The following TIAM2 variants were observed in gnomAD, a reference collection of about 807,000 sequenced individuals.
The protein encoded by TIAM2 is TIAM Rac1 associated GEF 2, also known as rho guanine nucleotide exchange factor TIAM2.
Under a neutral mutation model 152.9 loss-of-function variants are expected in TIAM2, and 80 were observed. The observed-to-expected ratio is 0.52, with a 90% CI of 0.44 to 0.63. TIAM2 has a LOEUF of 0.63. Among genes scored for constraint, TIAM2 ranks in the 30% least tolerant of loss-of-function variants. The probability of loss-of-function intolerance (pLI) is 0.00; values close to 1 mark genes in which losing one functional copy is unlikely to be tolerated. For missense variants in TIAM2, 1,965 were observed against 2,120.1 expected, an observed-to-expected ratio of 0.93 and a Z score of 1.44; for synonymous variants, 804 against 838.0, an observed-to-expected ratio of 0.96 and a Z score of 0.70.
chr6:155,014,791 GA>G (rs1373032028), intron 1 of TIAM2, among the ~76,000 whole-genome samples: 1 of 152,222 alleles, frequency 6.6e-6, no homozygotes, highest in Non-Finnish European at 1.5e-5. Context: ...CAGAGCAGCA[GA>G]GGGAATTGCA....
At position 155,214,379 on chromosome 6, in the gene TIAM2, A is replaced by G. The variant is rs548622914; in HGVS notation, c.3168+3072A>G. Among the ~76,000 whole-genome samples, 2 of 152,292 alleles carry G rather than the reference A, an allele frequency of 1.3e-5. No homozygotes were observed. The highest frequency in any genetic ancestry group is 2.9e-5 in the Non-Finnish European group (2 of 68,026). On this transcript the variant is annotated intron_variant, in intron 15 of 26. Transcript: ENST00000682666. This position sits in a 1 kb window ranked among gnomAD's most constrained non-coding sequence, Gnocchi z 5.4. ...TGGTGACATCCCCTGTGTGTGAGGG[A>G]CCAGGTTAGAGCCTGCCAGCTTCAG...
At chr6:155,047,894 G>A (rs1777237228) in intron 1 of TIAM2, among the ~76,000 whole-genome samples, 1 of 152,180 alleles carries the variant, frequency 6.6e-6, no homozygotes, top group African/African-American at 2.4e-5. Context: ...TGACCGCTGG[G>A]TCCTGTAGGG....
At chr6:155,070,695 G>A (rs913635749) in intron 1 of TIAM2, among the ~76,000 whole-genome samples, 1 of 152,076 alleles carries the variant, frequency 6.6e-6, no homozygotes, top group Non-Finnish European at 1.5e-5. Context: ...AGTAACTCAG[G>A]GCAAAAGGCC....
intron 10 of TIAM2, 94 bp from the exon 11 acceptor site, chr6:155,178,945 A>T (rs1031416838): frequency 6.0e-6 from 6 of 999,766 alleles, no homozygotes; most frequent in Non-Finnish European, 6.0e-6. Context: ...GTATTCTTTT[A>T]GAGATTTCTA....
intron 14 of TIAM2, among the ~76,000 whole-genome samples, chr6:155,201,104 T>A (rs1781463926): frequency 6.6e-6 from 1 of 152,190 alleles, no homozygotes; most frequent in Non-Finnish European, 1.5e-5. Context: ...CTTAGCATAA[T>A]GTTTTCAAGG....
chr6:155,172,609 A>C (rs1780611412), intron 9 of TIAM2, among the ~76,000 whole-genome samples: 1 of 130,680 alleles, frequency 7.7e-6, no homozygotes, highest in Non-Finnish European at 1.6e-5. Flanking sequence ...TTGCATTCTC[A>C]GGACCAGGAA....
At chr6:155,022,450 C>G (rs1242067676) in intron 1 of TIAM2, 1 of 152,238 alleles carries the variant, frequency 6.6e-6, no homozygotes, top group Non-Finnish European at 1.5e-5. Flanking sequence ...CAGGTGTGCA[C>G]CACCATGCCC....
chr6:155,025,735 G>C (rs1776587403), intron 1 of TIAM2, among the ~76,000 whole-genome samples: 1 of 151,346 alleles, frequency 6.6e-6, no homozygotes, highest in African/African-American at 2.4e-5. Flanking sequence ...GGTTTGGGTA[G>C]TACCCGCCAA....
Position 155,251,071 on chromosome 6 carries a change from G to C in TIAM2, c.4060+50G>C, listed in dbSNP as rs760173819. On this transcript the variant is annotated intron_variant, in intron 22 of 26. Transcript: ENST00000682666. ...CAGACTGAACAGAGGCTGGGATTAC[G>C]GAAGAACTTCACTAGCCGCACCAGT... is the stretch of plus-strand genomic sequence containing the variant. 2.0e-6 allele frequency: 3 copies of C among 1,534,736 alleles called. No homozygotes were observed. In the South Asian group the frequency reaches 3.4e-5, roughly 17 times the overall value.
In TIAM2 at chr6:155,211,273, T is replaced by C; in HGVS notation, c.3134T>C (p.Val1045Ala). 3 of 1,613,478 alleles carry C rather than the reference T, an allele frequency of 1.9e-6. No homozygotes were observed. The highest frequency in any genetic ancestry group is 2.5e-6 in the Non-Finnish European group (3 of 1,179,552). The change falls in exon 15 of 27, where the codon GTT (valine) becomes GCT (alanine). Residue 1045 changes from valine (V) to alanine (A), a missense_variant. Val to Ala is a moderately conservative substitution (Grantham distance 64). Around this residue, in one of 3 missense-constraint regions of TIAM2, gnomAD observed 935 missense variants for 980.0 expected, o/e 0.95. Transcript: ENST00000682666. ...RSQTDGTLDQ[V>A]SHREKMEQTF... The stretch of plus-strand genomic sequence containing the variant: ...CAGACAGATGGCACTCTGGATCAGG[T>C]TTCCCACAGGGAGAAAATGGAGCAG...
chr6:155,134,397 A>ACC (rs35487009), intron 4 of TIAM2, among the ~76,000 whole-genome samples: 9 of 110,648 alleles, frequency 8.1e-5, no homozygotes, highest in African/African-American at 3.2e-4. Flanking sequence ...GCATCCCCCC[A>ACC]CCCCCCCCCA....
chr6:155,177,826 T>C (rs1281505265), intron 10 of TIAM2, among the ~76,000 whole-genome samples: 1 of 152,218 alleles, frequency 6.6e-6, no homozygotes, highest in Non-Finnish European at 1.5e-5. Flanking sequence ...CAATGTTCTA[T>C]ACCAATGATA....
rs1461370122 is a variant in TIAM2, at chr6:155,129,898, C to A, written c.675C>A (p.Ser225Arg). Residue 225 changes from serine to arginine, a missense_variant, in exon 4 of 27, where the codon AGC becomes AGA. This residue lies in a region of TIAM2 where 1,025 missense variants were observed against 1,119.4 expected (regional missense o/e 0.92). Transcript: ENST00000682666. The surrounding 1 kb of genome is among the most constrained non-coding windows in gnomAD (Gnocchi z 4.8). ...GGTCCAGCGCCGATTCCCTGCCCAG[C>A]CATCGCCCCTCTCCCACGGACTCTC... is the stretch of plus-strand genomic sequence containing the variant. Reference protein sequence around the residue: ...RRGSSADSLPSHRPSPTDSRL... With the variant: ...RRGSSADSLPRHRPSPTDSRL... The A allele has an allele frequency of 6.2e-7, 1 of 1,613,746 alleles. No homozygotes were observed. The highest frequency in any genetic ancestry group is 8.5e-7 in the Non-Finnish European group (1 of 1,180,034).
At chr6:155,250,831 C>T (rs1783610519) in intron 21 of TIAM2, 82 bp from the exon 22 acceptor site, 3 of 1,382,232 alleles carry the variant, frequency 2.2e-6, no homozygotes, top group South Asian at 2.3e-5. Context: ...TTAGCAATGA[C>T]TGTGTGTACA....
chr6:155,035,736 C>T (rs955931079), intron 1 of TIAM2, among the ~76,000 whole-genome samples: 6 of 152,182 alleles, frequency 3.9e-5, no homozygotes, highest in Non-Finnish European at 5.9e-5. Context: ...ACTTTTCAGA[C>T]TTGTATGTTA....
chr6:155,226,649 G>C (rs1267192219), intron 15 of TIAM2, among the ~76,000 whole-genome samples: 1 of 144,812 alleles, frequency 6.9e-6, no homozygotes, highest in African/African-American at 2.5e-5. Context: ...TGAGCAACAA[G>C]AGTGAAACTG....
chr6:155,221,786 T>A (rs1032260690), intron 15 of TIAM2, among the ~76,000 whole-genome samples: 3 of 152,214 alleles, frequency 2.0e-5, no homozygotes, highest in Middle Eastern at 3.4e-3. Flanking sequence ...TATTTCCAGA[T>A]CTTTATTTCC....
chr6:155,097,986 G>A (rs1375354493), intron 2 of TIAM2, among the ~76,000 whole-genome samples: 2 of 151,964 alleles, frequency 1.3e-5, no homozygotes, highest in Non-Finnish European at 2.9e-5. Flanking sequence ...ATTTTTATCT[G>A]GATTCTCTGT....
chr6:155,157,526 C>G (rs1278535895), intron 7 of TIAM2, among the ~76,000 whole-genome samples: 2 of 151,610 alleles, frequency 1.3e-5, no homozygotes, highest in Non-Finnish European at 2.9e-5. Context: ...AGGTTGGTCT[C>G]GAACTCCTGG....
Sources: allele counts gnomAD v4.1 joint callset (sites outside exome capture counted in the v4.1 genomes callset), GRCh38; gene constraint gnomAD v4.1.1; regional missense constraint gnomAD v4.1.1; non-coding constraint Gnocchi (gnomAD v3.1); transcripts MANE v1.5; gene names NCBI Gene and HGNC (gene_info 2026-07-23, HGNC 2026-07-21).